Variants in C12orf76 observed in about 807,000 individuals in gnomAD.
The protein encoded by C12orf76 is uncharacterized protein C12orf76.
A neutral mutation model predicts 6.8 loss-of-function variants in C12orf76; 6 were observed. The observed-to-expected ratio is 0.88, with a 90% CI of 0.48 to 1.73. The LOEUF (loss-of-function observed/expected upper bound fraction) is 1.73, where lower values mean the gene tolerates loss of function less well. Among genes scored for constraint, C12orf76 ranks in the 40% most tolerant of loss-of-function variants. C12orf76 has a pLI of 0.01. For synonymous variants in C12orf76, 56 were observed against 43.7 expected, an observed-to-expected ratio of 1.28 and a Z score of -1.11; for missense variants, 99 against 98.2, an observed-to-expected ratio of 1.01 and a Z score of -0.03.
upstream of C12orf76, among the ~76,000 whole-genome samples, chr12:110,069,529 T>C (rs1359758118): frequency 1.3e-5 from 2 of 152,218 alleles, no homozygotes; most frequent in East Asian, 3.8e-4. Context: ...AAACAACTCC[T>C]TCTTCCCAGT....
intron 3 of C12orf76, chr12:110,058,962 C>T (rs1319063884): frequency 1.3e-6 from 2 of 1,486,808 alleles, no homozygotes; most frequent in South Asian, 2.6e-5. Context: ...CAAAAACCAA[C>T]TCTATAAGGA....
chr12:110,072,738 C>T (rs151156312), intron 1 of C12orf76, among the ~76,000 whole-genome samples: 4,172 of 152,120 alleles, frequency 0.027, 85 homozygotes, highest in Middle Eastern at 0.078. Context: ...GCCTGGCCAA[C>T]ATGGCGAAAC....
chr12:110,068,304 G>C (rs1566080196), upstream of C12orf76, among the ~76,000 whole-genome samples: 1 of 146,708 alleles, frequency 6.8e-6, no homozygotes, highest in Non-Finnish European at 1.5e-5. Context: ...AGAAGAAGAA[G>C]AAGAAGAAGA....
chr12:110,051,463 G>T (rs1259395609), upstream of C12orf76, among the ~76,000 whole-genome samples: 1 of 151,648 alleles, frequency 6.6e-6, no homozygotes, highest in Non-Finnish European at 1.5e-5. Flanking sequence ...GTCTTGCTCT[G>T]TCGCCCAGGT....
At chr12:110,057,263 C>A in exon 4 of C12orf76, 1 of 1,614,014 alleles carries the variant, frequency 6.2e-7, no homozygotes, top group Non-Finnish European at 8.5e-7. Flanking sequence ...GGAGGATGTG[C>A]CTTTCAGCAA....
intron 2 of C12orf76, among the ~76,000 whole-genome samples, chr12:110,062,729 C>A (rs1464919819): frequency 6.6e-6 from 1 of 151,152 alleles, no homozygotes; most frequent in Non-Finnish European, 1.5e-5. Context: ...AAGCGATCCT[C>A]CCACCTCAGC....
chr12:110,055,837 G>A (rs867878987), intron 4 of C12orf76, among the ~76,000 whole-genome samples: 5 of 152,162 alleles, frequency 3.3e-5, no homozygotes, highest in Non-Finnish European at 5.9e-5. Context: ...AGATGAGTCA[G>A]TTTACTGAGC....
At chr12:110,058,819 A>G (rs557090425) in intron 3 of C12orf76, among the ~76,000 whole-genome samples, 1 of 152,192 alleles carries the variant, frequency 6.6e-6, no homozygotes, top group Non-Finnish European at 1.5e-5. Flanking sequence ...CTTTTGTTCA[A>G]TTTTCCCAAT....
At chr12:110,053,507 AAC>A (rs1491320092), upstream of C12orf76, among the ~76,000 whole-genome samples, 15 of 150,620 alleles carry the variant, frequency 1.0e-4, no homozygotes, top group African/African-American at 2.2e-4. Flanking sequence ...TTGGGGGGAA[AAC>A]AAAAAAGTTC....
At chr12:110,043,792 T>C (rs1167909280) in intron 1 of C12orf76, among the ~76,000 whole-genome samples, 1 of 151,528 alleles carries the variant, frequency 6.6e-6, no homozygotes, top group East Asian at 1.9e-4. Flanking sequence ...GAGGCAGAGG[T>C]TGCAGTGAGC....
At chr12:110,067,954 G>A (rs1030443537), upstream of C12orf76, among the ~76,000 whole-genome samples, 38 of 152,048 alleles carry the variant, frequency 2.5e-4, no homozygotes, top group African/African-American at 8.9e-4. Flanking sequence ...GCTCACGCCT[G>A]TAATCCCAGC....
At chr12:110,048,750 C>G, upstream of C12orf76, 1 of 988,640 alleles carries the variant, frequency 1.0e-6, no homozygotes, top group Non-Finnish European at 1.3e-6. Flanking sequence ...GCCGCGATTA[C>G]CGTTCTGCTG....
intron 3 of C12orf76, among the ~76,000 whole-genome samples, chr12:110,057,737 G>A (rs1431797907): frequency 6.6e-6 from 1 of 151,884 alleles, no homozygotes; most frequent in Admixed American, 6.6e-5. Context: ...AGTCTAACAG[G>A]GTAAAAATCA....
rs77797277 is a variant in C12orf76 at position 110,061,382 on chromosome 12, C to T, written n.381-2219G>A. Among the ~76,000 whole-genome samples, 158 of 152,090 alleles carry T rather than the reference C, an allele frequency of 1.0e-3. 1 individual carries two copies. In the East Asian group the frequency reaches 0.024, roughly 23 times the overall value. Reference sequence around the variant, plus strand: ...ACTGTTTTACCTTTCTAATATTGCTCGAAGTCATCTACTTCTCTCCTCTGC... The same window carrying T: ...ACTGTTTTACCTTTCTAATATTGCTTGAAGTCATCTACTTCTCTCCTCTGC... On this transcript the variant is annotated intron_variant and non_coding_transcript_variant, in intron 2 of 4. Transcript: ENST00000309050.
intron 1 of C12orf76, among the ~76,000 whole-genome samples, chr12:110,066,395 A>G (rs573589752): frequency 2.9e-5 from 4 of 139,946 alleles, no homozygotes; most frequent in Admixed American, 7.2e-5. Context: ...AAAAAAAAAA[A>G]AAAAAAAAAC....
At chr12:110,065,176 A>ATT (rs977683622) in intron 2 of C12orf76, among the ~76,000 whole-genome samples, 2 of 144,736 alleles carry the variant, frequency 1.4e-5, no homozygotes, top group African/African-American at 5.0e-5. Context: ...ATATATACAC[A>ATT]TTTTTTTTTT....
exon 1 of C12orf76, chr12:110,073,470 T>C (rs758760095): frequency 3.4e-5 from 18 of 523,476 alleles, no homozygotes; most frequent in Admixed American, 9.9e-5. Flanking sequence ...GGTGCCATAA[T>C]TGATGCTTTG....
exon 2 of C12orf76, chr12:110,066,016 C>G: frequency 6.3e-7 from 1 of 1,596,664 alleles, no homozygotes; most frequent in African/African-American, 1.3e-5. Context: ...TGACCTCCCC[C>G]TCAAGCTCTC....
upstream of C12orf76, chr12:110,050,005 G>C (rs1892549485): frequency 6.6e-6 from 1 of 152,170 alleles, no homozygotes; most frequent in African/African-American, 2.4e-5. Context: ...TGTGCATTCG[G>C]GGAGCTCGGA....
Sources: allele counts gnomAD v4.1 joint callset (sites outside exome capture counted in the v4.1 genomes callset), GRCh38; gene constraint gnomAD v4.1.1; transcripts MANE v1.5; gene names NCBI Gene and HGNC (gene_info 2026-07-23, HGNC 2026-07-21).